Variants in MED13 observed in about 807,000 individuals in gnomAD.
The protein encoded by MED13 is mediator complex subunit 13.
In MED13, 23 loss-of-function variants were observed where a neutral mutation model predicts 225.2. The ratio of observed to expected loss-of-function variants is 0.10; its 90% CI spans 0.07 to 0.14. The LOEUF is 0.14. MED13 is among the 10% of genes least tolerant of loss of function. MED13 has a pLI of 1.00. For synonymous variants in MED13, 942 were observed against 889.2 expected, an observed-to-expected ratio of 1.06 and a Z score of -1.06; for missense variants, 2,197 against 2,594.5, an observed-to-expected ratio of 0.85 and a Z score of 3.33.
In MED13 at chr17:61,965,497, A is replaced by C. The variant is rs185811683; in HGVS notation, c.4382-29T>G. 8 of 1,567,532 alleles carry C rather than the reference A, an allele frequency of 5.1e-6. No homozygotes were observed. The Admixed American group carries it at 1.3e-4, about 25-fold the overall frequency. On this transcript the variant is annotated intron_variant, in intron 19 of 29. Transcript: ENST00000397786. ...AAGAATAAAAACAGGTACGAAATTT[A>C]ATTCTTTATTTCACTGACTGGTTTT...
chr17:62,015,915 C>CACATATATATATATATAT (rs1230248036), intron 8 of MED13, among the ~76,000 whole-genome samples: 3 of 8,608 alleles, frequency 3.5e-4, no homozygotes, highest in East Asian at 5.7e-3. Flanking sequence ...ACACTATACA[C>CACATATATATATATATAT]ATATATATAT....
intron 2 of MED13, among the ~76,000 whole-genome samples, chr17:62,058,664 A>T (rs922044973): frequency 2.0e-5 from 3 of 151,930 alleles, no homozygotes; most frequent in African/African-American, 7.3e-5. Context: ...AGCAAAAAGT[A>T]AGAAAATCAT....
At chr17:61,965,564 G>A in intron 19 of MED13, 96 bp from the exon 20 acceptor site, 1 of 1,253,918 alleles carries the variant, frequency 8.0e-7, no homozygotes, top group South Asian at 1.6e-5. Context: ...TCCAGTTGAT[G>A]TTTTCTTGGT....
At chr17:61,979,751 G>T (rs556117072) in intron 16 of MED13, among the ~76,000 whole-genome samples, 1 of 152,062 alleles carries the variant, frequency 6.6e-6, no homozygotes. Flanking sequence ...TTCTCATCCC[G>T]TTCTTTTGTG....
chr17:61,947,555 A>G (rs552252468), intron 28 of MED13, among the ~76,000 whole-genome samples: 1 of 152,350 alleles, frequency 6.6e-6, no homozygotes, highest in Admixed American at 6.5e-5. Flanking sequence ...ATGACTACGC[A>G]GACATACCTA....
At chr17:61,973,150 T>C (rs1170745708) in intron 16 of MED13, among the ~76,000 whole-genome samples, 4 of 152,228 alleles carry the variant, frequency 2.6e-5, no homozygotes, top group Non-Finnish European at 5.9e-5. Context: ...AGCTGATTAA[T>C]CAATTTATAA....
intron 27 of MED13, 141 bp downstream of exon 27, chr17:61,952,824 A>T (rs1336409891): frequency 2.2e-6 from 2 of 889,742 alleles, no homozygotes; most frequent in Admixed American, 2.6e-5. Flanking sequence ...TTTAGTAGAG[A>T]TGGGGTTTCA....
intron 11 of MED13, among the ~76,000 whole-genome samples, chr17:61,990,650 T>TATATATATATACACAC (rs1491124278): frequency 2.1e-5 from 3 of 141,140 alleles, no homozygotes; most frequent in African/African-American, 8.1e-5. Flanking sequence ...TATATATATA[T>TATATATATATACACAC]ACACACTCCC....
At chr17:62,029,509 C>T in intron 8 of MED13, 32 bp downstream of exon 8, 3 of 1,507,498 alleles carry the variant, frequency 2.0e-6, no homozygotes, top group Non-Finnish European at 1.8e-6. Flanking sequence ...AACTATCACA[C>T]ATAGGCATCA....
At chr17:62,004,986 CGCCTCCTTGTTCAAACGATTCTCCTTA>C (rs1486138844) in intron 9 of MED13, 4 of 151,696 alleles carry the variant, frequency 2.6e-5, no homozygotes, top group Non-Finnish European at 4.4e-5. Context: ...TGTTAACTTC[CGCCTCCTTGTTCAAACGATTCTCCTTA>C]GCCTCCAAGT....
chr17:62,046,091 T>TG (rs1603408568), intron 3 of MED13, among the ~76,000 whole-genome samples: 1 of 152,216 alleles, frequency 6.6e-6, no homozygotes, highest in African/African-American at 2.4e-5. Context: ...AGTGAATTGA[T>TG]TAGTCAACAA....
In MED13 at chr17:61,945,395, T is replaced by G. The variant is rs553048878; in HGVS notation, c.*1073A>C. ...ATCCTGAAAATAAATTTCATAATAA[T>G]ATTTCCATGCCTAAATATGCCACTG... On this transcript the variant is annotated 3_prime_UTR_variant, in exon 30 of 30. Transcript: ENST00000397786. 5.6e-4 allele frequency: 85 copies of G among 152,732 alleles called. No individual in the cohort carries two copies. The highest frequency in any genetic ancestry group is 2.0e-3 in the African/African-American group (82 of 41,560). 9.5% of individuals were successfully genotyped at this position (152,732 alleles called of 1,614,324 possible).
chr17:62,021,480 C>T (rs1187353103), intron 8 of MED13, among the ~76,000 whole-genome samples: 2 of 151,776 alleles, frequency 1.3e-5, no homozygotes, highest in Non-Finnish European at 2.9e-5. Flanking sequence ...CCTCACTTCC[C>T]AGTAGGGGCG....
intron 8 of MED13, among the ~76,000 whole-genome samples, chr17:62,014,003 C>T (rs1361494924): frequency 6.6e-6 from 1 of 152,092 alleles, no homozygotes; most frequent in Non-Finnish European, 1.5e-5. Flanking sequence ...CACACCACTG[C>T]ACTCCAGCCT....
chr17:61,995,202 C>A lies in MED13; in HGVS notation c.2131G>T (p.Asp711Tyr). The A allele has an allele frequency of 6.2e-7, 1 of 1,613,396 alleles. No homozygotes were observed. The highest frequency in any genetic ancestry group is 8.5e-7 in the Non-Finnish European group (1 of 1,179,840). ...TCACTATTTTGTCTATCTTTTTTAT[C>A]AGGAAAAAGGAATTCCTCATCTCCT... ...VEGDEEFLFPDKKDRQNSERE... is the reference protein window; with the variant it reads ...VEGDEEFLFPYKKDRQNSERE... Residue 711 changes from aspartate (D) to tyrosine (Y), a missense_variant, in exon 10 of 30, where the codon GAT becomes TAT. Asp to Tyr is a radical substitution (Grantham distance 160, BLOSUM62 -3). Transcript: ENST00000397786.
At chr17:62,055,190 T>C (rs775574570) in intron 2 of MED13, among the ~76,000 whole-genome samples, 2 of 151,490 alleles carry the variant, frequency 1.3e-5, no homozygotes, top group Non-Finnish European at 2.9e-5. Flanking sequence ...AGGCCAGGAG[T>C]TCGAGACCAG....
At chr17:62,043,385 C>T (rs577088649) in intron 3 of MED13, among the ~76,000 whole-genome samples, 21 of 152,042 alleles carry the variant, frequency 1.4e-4, no homozygotes, top group African/African-American at 4.8e-4. Flanking sequence ...AAGGACAAAA[C>T]ATTATAGACA....
At chr17:62,047,765 A>C (rs1422349586) in intron 3 of MED13, among the ~76,000 whole-genome samples, 1 of 151,420 alleles carries the variant, frequency 6.6e-6, no homozygotes, top group African/African-American at 2.4e-5. Flanking sequence ...TAAAAAAGAG[A>C]GAGAGAGAGA....
chr17:62,010,115 G>A (rs1309487143), intron 9 of MED13, among the ~76,000 whole-genome samples: 4 of 151,788 alleles, frequency 2.6e-5, no homozygotes, highest in African/African-American at 7.3e-5. Flanking sequence ...CCAGCTACTC[G>A]GGAGGCTGAG....
Sources: gnomAD v4.1 joint callset for allele counts (sites outside exome capture counted in the v4.1 genomes callset) on GRCh38, gnomAD v4.1.1 for gene constraint, MANE v1.5 for transcripts, NCBI Gene and HGNC (gene_info 2026-07-23, HGNC 2026-07-21) for gene names.